CDYL2: variants seen among roughly 807,000 people sequenced by gnomAD.
CDYL2 encodes the protein chromodomain Y-like protein 2.
CDYL2 carries 23 observed loss-of-function variants against 49.4 expected under a neutral mutation model. That is an observed-to-expected ratio of 0.47 (90% CI 0.34 to 0.66). CDYL2 has a LOEUF of 0.66. CDYL2 is among the 30% of genes least tolerant of loss of function. The pLI is 0.01. For synonymous variants in CDYL2, 360 were observed against 268.8 expected, an observed-to-expected ratio of 1.34 and a Z score of -3.32; for missense variants, 678 against 656.4, an observed-to-expected ratio of 1.03 and a Z score of -0.36.
At chr16:80,712,183 CTGTG>C (rs1242735654) in intron 1 of CDYL2, among the ~76,000 whole-genome samples, 71 of 27,500 alleles carry the variant, frequency 2.6e-3, no homozygotes, top group East Asian at 9.6e-3. Context: ...GTCTTTGTGT[CTGTG>C]TGTGTATATA....
intron 1 of CDYL2, among the ~76,000 whole-genome samples, chr16:80,780,072 A>G (rs1391716738): frequency 6.6e-6 from 1 of 152,144 alleles, no homozygotes; most frequent in East Asian, 1.9e-4. Context: ...CATATAATCT[A>G]AGGACCTGAA....
intron 4 of CDYL2, among the ~76,000 whole-genome samples, chr16:80,617,914 C>A (rs767009208): frequency 6.6e-6 from 1 of 152,192 alleles, no homozygotes; most frequent in Non-Finnish European, 1.5e-5. Flanking sequence ...CCAAGGACGA[C>A]TGACATCAAA....
At chr16:80,668,110 G>T (rs78911858) in intron 2 of CDYL2, among the ~76,000 whole-genome samples, 2,821 of 152,342 alleles carry the variant, frequency 0.019, 101 homozygotes, top group African/African-American at 0.065. Flanking sequence ...TTTGTAGGCA[G>T]CCCAGATGGC....
At chr16:80,782,182 GC>G (rs1177253577) in intron 1 of CDYL2, among the ~76,000 whole-genome samples, 4 of 151,710 alleles carry the variant, frequency 2.6e-5, no homozygotes, top group Non-Finnish European at 5.9e-5. Context: ...ATTACTACAG[GC>G]TTTACAGAAA....
At chr16:80,761,255 T>C (rs992350761) in intron 1 of CDYL2, among the ~76,000 whole-genome samples, 17 of 152,172 alleles carry the variant, frequency 1.1e-4, no homozygotes, top group Non-Finnish European at 1.3e-4. Flanking sequence ...GAACCACCTG[T>C]GGTTACCAGG....
chr16:80,641,364 T>C (rs78309779), intron 2 of CDYL2, among the ~76,000 whole-genome samples: 396 of 152,022 alleles, frequency 2.6e-3, no homozygotes, highest in East Asian at 0.01. Flanking sequence ...ACAAAAAAAC[T>C]TTTACCCTAG....
chr16:80,710,639 G>C (rs962888146), intron 1 of CDYL2, among the ~76,000 whole-genome samples: 1 of 152,112 alleles, frequency 6.6e-6, no homozygotes, highest in Admixed American at 6.5e-5. Flanking sequence ...ATGAAAACAA[G>C]GACACAGAGG....
rs577064623 is a variant in CDYL2 at position 80,741,181 on chromosome 16, TA to T, written c.25-56053del. 4.3e-3 allele frequency among the ~76,000 whole-genome samples: 652 copies of T among 150,304 alleles called. 5 individuals carry two copies. The highest frequency in any genetic ancestry group is 0.015 in the African/African-American group (628 of 41,342). ...TACATAATATATATATAACATGTAC[TA>T]TATAAGATGTGTGTATAAGAATTTT... is the stretch of plus-strand genomic sequence containing the variant. On this transcript the variant is annotated intron_variant, in intron 1 of 6. Coordinates refer to ENST00000570137, the MANE Select transcript of CDYL2 (RefSeq NM_152342.4).
chr16:80,803,183 T>A (rs1198872170), intron 1 of CDYL2, among the ~76,000 whole-genome samples: 2 of 152,186 alleles, frequency 1.3e-5, no homozygotes, highest in East Asian at 3.9e-4. Flanking sequence ...GTAACAGTTG[T>A]GTTCCTAAGC....
intron 2 of CDYL2, among the ~76,000 whole-genome samples, chr16:80,655,652 G>A (rs9888872): frequency 0.45 from 68,805 of 151,922 alleles, 16,815 homozygotes; most frequent in African/African-American, 0.62. Flanking sequence ...CCTACCCTCT[G>A]CCAGGACACT....
intron 2 of CDYL2, among the ~76,000 whole-genome samples, chr16:80,648,345 A>G (rs1449723025): frequency 6.6e-6 from 1 of 152,200 alleles, no homozygotes; most frequent in Non-Finnish European, 1.5e-5. Context: ...CAGAAATTCA[A>G]AGGATCATCA....
At chr16:80,646,512 C>T (rs573002052) in intron 2 of CDYL2, among the ~76,000 whole-genome samples, 5 of 152,202 alleles carry the variant, frequency 3.3e-5, no homozygotes, top group African/African-American at 1.2e-4. Context: ...AGACCCAGGT[C>T]GGGCGTGGTG....
rs76388811 is a variant in CDYL2, at chr16:80,777,365, T to C, written c.24+26785A>G. Among the ~76,000 whole-genome samples the C allele has an allele frequency of 3.9e-3, 591 of 151,740 alleles. 3 individuals are homozygous for C. The highest frequency in any genetic ancestry group is 0.01 in the Middle Eastern group (3 of 294). On this transcript the variant is annotated intron_variant, in intron 1 of 6. Coordinates refer to ENST00000570137, the MANE Select transcript of CDYL2 (RefSeq NM_152342.4). ...AAAAGTAAACAGATGAAGGAATGAA[T>C]GATAAGTCAGAGAAACACTGAAACA...
At chr16:80,604,613 G>A in intron 6 of CDYL2, 67 bp from the exon 7 acceptor site, 1 of 1,562,522 alleles carries the variant, frequency 6.4e-7, no homozygotes, top group Non-Finnish European at 8.8e-7. Context: ...TAGGTACCTG[G>A]CCCATGGGGC....
rs116238772 is a variant in CDYL2, at chr16:80,662,645, A to G, written c.616+21893T>C. The stretch of plus-strand genomic sequence containing the variant: ...TTCAGAACTTCCTGCAATGATGAAA[A>G]TGTTCAATATCTGCATTGTCTAATA... On this transcript the variant is annotated intron_variant, in intron 2 of 6. Coordinates refer to ENST00000570137, the MANE Select transcript of CDYL2 (RefSeq NM_152342.4). The G allele has an allele frequency of 3.4e-3, 1,472 of 435,044 alleles. 19 individuals are homozygous for G. The highest frequency in any genetic ancestry group is 0.026 in the African/African-American group (1,309 of 49,412). The allele number at this position is 435,044 out of a possible 1,614,324, so 26.9% of individuals were successfully genotyped here.
chr16:80,702,501 G>C (rs907223615), intron 1 of CDYL2, among the ~76,000 whole-genome samples: 1 of 152,128 alleles, frequency 6.6e-6, no homozygotes, highest in South Asian at 2.1e-4. Flanking sequence ...CTATAATTCA[G>C]CACTCTGGGA....
At chr16:80,703,371 C>T (rs527375372) in intron 1 of CDYL2, among the ~76,000 whole-genome samples, 7 of 152,118 alleles carry the variant, frequency 4.6e-5, no homozygotes, top group African/African-American at 1.7e-4. Context: ...CACGGCTTGT[C>T]ACATGGTAGA....
chr16:80,804,028 C>CCGCCGA, intron 1 of CDYL2, 122 bp downstream of exon 1: 1 of 728,450 alleles, frequency 1.4e-6, no homozygotes, highest in Non-Finnish European at 1.7e-6. Flanking sequence ...GCCGCCGCCG[C>CCGCCGA]CGCGGGCTCG....
intron 2 of CDYL2, among the ~76,000 whole-genome samples, chr16:80,646,039 G>A (rs535572157): frequency 6.6e-6 from 1 of 150,930 alleles, no homozygotes. Context: ...TATACCTAAT[G>A]TAAATGATGA....
Sources: gnomAD v4.1 joint callset for allele counts (sites outside exome capture counted in the v4.1 genomes callset) on GRCh38, gnomAD v4.1.1 for gene constraint, MANE v1.5 for transcripts, NCBI Gene and HGNC (gene_info 2026-07-23, HGNC 2026-07-21) for gene names.